Variants in THSD4 observed in about 807,000 individuals in gnomAD.
The protein encoded by THSD4 is thrombospondin type-1 domain-containing protein 4.
A neutral mutation model predicts 119.0 loss-of-function variants in THSD4; 69 were observed. That is an observed-to-expected ratio of 0.58 (90% CI 0.48 to 0.71). The LOEUF (loss-of-function observed/expected upper bound fraction) is 0.71, where lower values mean the gene tolerates loss of function less well. Among genes scored for constraint, THSD4 ranks in the 30% least tolerant of loss-of-function variants. The pLI is 0.00. For synonymous variants in THSD4, 524 were observed against 540.4 expected, an observed-to-expected ratio of 0.97 and a Z score of 0.42; for missense variants, 1,393 against 1,391.1, an observed-to-expected ratio of 1.00 and a Z score of -0.02.
At chr15:71,602,982 C>T (rs2050042410) in intron 7 of THSD4, among the ~76,000 whole-genome samples, 1 of 152,196 alleles carries the variant, frequency 6.6e-6, no homozygotes, top group Non-Finnish European at 1.5e-5. Flanking sequence ...GGGGTTTGAA[C>T]CCAGGGCTTT....
chr15:71,141,735 G>A (rs999463493), intron 2 of THSD4, among the ~76,000 whole-genome samples, 179 bp downstream of exon 2: 4 of 152,208 alleles, frequency 2.6e-5, no homozygotes, highest in Non-Finnish European at 4.4e-5. Context: ...GGCCTTGGGA[G>A]CTGTGTGCTG....
chr15:71,215,447 T>G, intron 4 of THSD4, 48 bp downstream of exon 4: 1 of 1,461,530 alleles, frequency 6.8e-7, no homozygotes, highest in Non-Finnish European at 9.1e-7. Context: ...TGTCCCAGTA[T>G]CTGCCCCTGT....
chr15:71,369,293 C>A lies in THSD4; in HGVS notation c.1016-42394C>A, dbSNP rs548472174. Among the ~76,000 whole-genome samples, 1,437 of 152,268 alleles carry A rather than the reference C, an allele frequency of 9.4e-3. 27 individuals are homozygous for A. Among genetic ancestry groups the A allele is most frequent in the African/African-American group, 0.033 (1,354 of 41,542 alleles). The stretch of plus-strand genomic sequence containing the variant: ...TTTATTTCTTTCTCCTGCCTGATTG[C>A]CCTGGCCAGAACTTCCAACACTATG... On this transcript the variant is annotated intron_variant, in intron 6 of 17. Coordinates refer to ENST00000261862, the MANE Select transcript of THSD4 (RefSeq NM_024817.3).
chr15:71,426,885 G>GT (rs1225151955), intron 7 of THSD4, among the ~76,000 whole-genome samples: 3 of 152,116 alleles, frequency 2.0e-5, no homozygotes, highest in Non-Finnish European at 4.4e-5. Context: ...TTCAGTAAAT[G>GT]TTTTTTAAAT....
At chr15:71,380,912 C>T (rs1596384421) in intron 6 of THSD4, among the ~76,000 whole-genome samples, 1 of 152,232 alleles carries the variant, frequency 6.6e-6, no homozygotes, top group East Asian at 1.9e-4. Context: ...GGGAAAGGAA[C>T]ACATAATATG....
chr15:71,578,755 T>C (rs2049503096), intron 7 of THSD4, among the ~76,000 whole-genome samples: 1 of 152,128 alleles, frequency 6.6e-6, no homozygotes, highest in African/African-American at 2.4e-5. Context: ...TGATAATATA[T>C]GATAGTAAAT....
chr15:71,216,721 G>T (rs762837578), intron 4 of THSD4, among the ~76,000 whole-genome samples: 17 of 152,196 alleles, frequency 1.1e-4, no homozygotes, highest in Non-Finnish European at 2.5e-4. Flanking sequence ...CTCTAGGACG[G>T]TCTGCTCCTA....
intron 7 of THSD4, among the ~76,000 whole-genome samples, chr15:71,600,036 T>G (rs1450702658): frequency 6.6e-6 from 1 of 152,248 alleles, no homozygotes; most frequent in Non-Finnish European, 1.5e-5. Flanking sequence ...GAAAGCCTAT[T>G]TCACTTTCCT....
intron 8 of THSD4, among the ~76,000 whole-genome samples, chr15:71,677,468 T>G (rs2051676679): frequency 6.6e-6 from 1 of 152,244 alleles, no homozygotes; most frequent in South Asian, 2.1e-4. Flanking sequence ...TGCTGTTGTT[T>G]GTTTTAGCAC....
At chr15:71,598,139 G>A (rs1178959487) in intron 7 of THSD4, among the ~76,000 whole-genome samples, 1 of 152,102 alleles carries the variant, frequency 6.6e-6, no homozygotes, top group African/African-American at 2.4e-5. Context: ...AGAGCCCTGG[G>A]GGTTAGGAAA....
chr15:71,661,104 G>T (rs1368621608), intron 8 of THSD4, among the ~76,000 whole-genome samples: 1 of 152,176 alleles, frequency 6.6e-6, no homozygotes, highest in Non-Finnish European at 1.5e-5. Flanking sequence ...GGTGGCCAGG[G>T]ACAATTGATC....
intron 7 of THSD4, among the ~76,000 whole-genome samples, chr15:71,442,660 G>GTATGTATGTATGTATGTATATATA (rs1555414328): frequency 3.9e-5 from 1 of 25,824 alleles, no homozygotes; most frequent in Non-Finnish European, 9.2e-5. Flanking sequence ...GTGTGTGTGT[G>GTATGTATGTATGTATGTATATATA]TATATATATA....
intron 7 of THSD4, among the ~76,000 whole-genome samples, chr15:71,424,567 C>A (rs2046845927): frequency 6.6e-6 from 1 of 152,186 alleles, no homozygotes; most frequent in Non-Finnish European, 1.5e-5. Context: ...CAACCCCTTT[C>A]TCCAGACATC....
chr15:71,640,167 C>G (rs528082237), intron 7 of THSD4, among the ~76,000 whole-genome samples: 5 of 152,072 alleles, frequency 3.3e-5, no homozygotes, highest in Non-Finnish European at 5.9e-5. Context: ...ACTGTAGCCT[C>G]GACCTCTTGG....
In THSD4 at chr15:71,687,893, A is replaced by AT. The variant is rs533247908; in HGVS notation, c.1357+27165dup. Among the ~76,000 whole-genome samples, 93 of 152,168 alleles carry AT rather than the reference A, an allele frequency of 6.1e-4. No individual in the cohort carries two copies. In the South Asian group the frequency reaches 8.1e-3, roughly 13 times the overall value. ...AATATGCAAATTAACCTGTTTGTTCATTTTTTCTCATTTATTCATTCATTC... is the reference window on the plus strand; with the variant it reads ...AATATGCAAATTAACCTGTTTGTTCATTTTTTTCTCATTTATTCATTCATTC... On this transcript the variant is annotated intron_variant, in intron 8 of 17. Transcript: ENST00000261862.
intron 6 of THSD4, among the ~76,000 whole-genome samples, chr15:71,303,798 C>T (rs2044985148): frequency 6.6e-6 from 1 of 152,156 alleles, no homozygotes. Flanking sequence ...ACCTCAGGAA[C>T]ACCACCAGAC....
chr15:71,745,379 A>G (rs1017739542), intron 12 of THSD4, 144 bp downstream of exon 12: 30 of 1,136,172 alleles, frequency 2.6e-5, no homozygotes, highest in Non-Finnish European at 3.6e-5. Flanking sequence ...CAGTCTGTTT[A>G]GCAGGCACAC....
intron 6 of THSD4, chr15:71,342,823 T>A (rs2045601428): frequency 6.6e-6 from 1 of 152,208 alleles, no homozygotes; most frequent in African/African-American, 2.4e-5. Context: ...TGAGGCTGTG[T>A]GTGCCAGGCA....
chr15:71,749,863 C>T (rs970669080), intron 14 of THSD4, among the ~76,000 whole-genome samples: 16 of 151,750 alleles, frequency 1.1e-4, no homozygotes, highest in South Asian at 4.2e-4. Context: ...CTCCCGCCAA[C>T]GTAGGTGGGA....
Sources: allele counts gnomAD v4.1 joint callset (sites outside exome capture counted in the v4.1 genomes callset), GRCh38; gene constraint gnomAD v4.1.1; transcripts MANE v1.5; gene names NCBI Gene and HGNC (gene_info 2026-07-23, HGNC 2026-07-21).